SCAF8: variants seen among roughly 807,000 people sequenced by gnomAD.
SCAF8 encodes the protein SR-related and CTD-associated factor 8.
Under a neutral mutation model 140.5 loss-of-function variants are expected in SCAF8, and 23 were observed. The observed-to-expected ratio is 0.16, with a 90% confidence interval of 0.12 to 0.23. SCAF8 has a LOEUF of 0.23. Ranked by LOEUF, SCAF8 falls within the 10% of genes least tolerant of loss-of-function variation. The pLI is 1.00. For missense variants in SCAF8, 1,397 were observed against 1,555.7 expected (o/e 0.90, Z 1.72); for synonymous variants, 575 against 528.9 (o/e 1.09, Z -1.20).
intron 5 of SCAF8, 46 bp downstream of exon 5, chr6:154,793,022 A>C: frequency 6.9e-7 from 1 of 1,454,792 alleles, no homozygotes; most frequent in Non-Finnish European, 9.2e-7. Context: ...TTCTACTCAT[A>C]CTTTTTGGAT....
At chr6:154,811,144 C>T (rs907674164) in intron 12 of SCAF8, among the ~76,000 whole-genome samples, 2 of 152,110 alleles carry the variant, frequency 1.3e-5, no homozygotes, top group Admixed American at 6.6e-5. Flanking sequence ...TATTGATTAT[C>T]CTTGCTCTAG....
chr6:154,744,696 GGTT>G (rs1778653520), intron 1 of SCAF8, among the ~76,000 whole-genome samples: 1 of 152,036 alleles, frequency 6.6e-6, no homozygotes, highest in Admixed American at 6.6e-5. Context: ...TTTTTTGGTT[GGTT>G]GTTTTGTTTT....
intron 1 of SCAF8, among the ~76,000 whole-genome samples, chr6:154,748,569 A>C (rs1778763299): frequency 6.6e-6 from 1 of 152,264 alleles, no homozygotes; most frequent in East Asian, 1.9e-4. Context: ...GTGGTTTTTA[A>C]ATTTGCCTTT....
chr6:154,824,552 G>A (rs781496325), intron 17 of SCAF8, among the ~76,000 whole-genome samples, 174 bp downstream of exon 17: 1 of 152,168 alleles, frequency 6.6e-6, no homozygotes, highest in Non-Finnish European at 1.5e-5. Context: ...TCAGTCTGTG[G>A]TAGGGGCCAG....
At chr6:154,804,944 A>G (rs1474753360) in intron 8 of SCAF8, among the ~76,000 whole-genome samples, 1 of 152,192 alleles carries the variant, frequency 6.6e-6, no homozygotes, top group South Asian at 2.1e-4. Flanking sequence ...TTTATGGTCA[A>G]TTACAATGGT....
intron 12 of SCAF8, among the ~76,000 whole-genome samples, chr6:154,813,546 G>C (rs989719517): frequency 4.6e-5 from 7 of 152,128 alleles, no homozygotes; most frequent in African/African-American, 1.7e-4. Context: ...AAAGGGGCGG[G>C]GGGATCTTTT....
rs762682795 is a variant in SCAF8, at chr6:154,805,322, A to G, written c.864-47A>G. Reference sequence around the variant, plus strand: ...TTGAATACTCAGTTATTTTCATAGTATCTTTAGTGGGTTTTAAAATATGTT... The same window carrying G: ...TTGAATACTCAGTTATTTTCATAGTGTCTTTAGTGGGTTTTAAAATATGTT... On this transcript the variant is annotated intron_variant, in intron 8 of 19. Coordinates refer to ENST00000367178, the MANE Select transcript of SCAF8 (RefSeq NM_014892.5). 9.1e-5 allele frequency: 99 copies of G among 1,082,272 alleles called. 1 individual carries two copies. In the South Asian group the frequency reaches 1.3e-3, roughly 15 times the overall value. 67.0% of individuals were successfully genotyped at this position (1,082,272 alleles called of 1,614,324 possible).
At chr6:154,824,061 C>T (rs1444606485) in intron 16 of SCAF8, among the ~76,000 whole-genome samples, 173 bp from the exon 17 acceptor site, 1 of 151,636 alleles carries the variant, frequency 6.6e-6, no homozygotes, top group Non-Finnish European at 1.5e-5. Context: ...AATAACATTG[C>T]CTTGTTTTTA....
Position 154,832,352 on chromosome 6 carries a change from G to C in SCAF8, c.2773G>C (p.Asp925His), listed in dbSNP as rs1299812637. The change falls in exon 20 of 20, where the codon GAC (aspartate) becomes CAC (histidine). Residue 925 changes from aspartate (D) to histidine (H), a missense_variant. Asp to His is a moderately conservative substitution (Grantham distance 81, BLOSUM62 -1). Around this residue, in one of 5 missense-constraint regions of SCAF8, gnomAD observed 930 missense variants for 874.6 expected, o/e 1.06. Transcript: ENST00000367178. Reference protein sequence around the residue: ...NQRMPTMPMLDIRPGLIPQAP... With the variant: ...NQRMPTMPMLHIRPGLIPQAP... ...AAGGATGCCCACAATGCCAATGTTAGACATTCGTCCGGGACTAATACCACA... is the reference window on the plus strand; with the variant it reads ...AAGGATGCCCACAATGCCAATGTTACACATTCGTCCGGGACTAATACCACA... 1 of 1,613,950 alleles carries C rather than the reference G, an allele frequency of 6.2e-7. No individual in the cohort carries two copies. Among genetic ancestry groups the C allele is most frequent in the Admixed American group, 1.7e-5 (1 of 60,002 alleles).
intron 1 of SCAF8, among the ~76,000 whole-genome samples, chr6:154,760,491 G>T (rs1335956071): frequency 6.6e-6 from 1 of 152,024 alleles, no homozygotes; most frequent in Non-Finnish European, 1.5e-5. Flanking sequence ...TTAAAAAAGG[G>T]TTCTAGATTT....
intron 1 of SCAF8, among the ~76,000 whole-genome samples, chr6:154,768,119 G>C (rs917958432): frequency 3.9e-5 from 6 of 152,186 alleles, no homozygotes; most frequent in Non-Finnish European, 7.4e-5. Flanking sequence ...TGCAGTGACA[G>C]CTTCATGAAT....
chr6:154,787,222 G>A (rs1317657089), intron 3 of SCAF8, among the ~76,000 whole-genome samples: 1 of 152,246 alleles, frequency 6.6e-6, no homozygotes, highest in Non-Finnish European at 1.5e-5. Context: ...AGCTGGGCAT[G>A]GTGCTGTGCA....
intron 8 of SCAF8, 36 bp from the exon 9 acceptor site, chr6:154,805,333 G>T: frequency 7.9e-7 from 1 of 1,263,278 alleles, no homozygotes; most frequent in Non-Finnish European, 1.2e-6. Context: ...TCTTTAGTGG[G>T]TTTTAAAATA....
intron 6 of SCAF8, among the ~76,000 whole-genome samples, chr6:154,797,750 T>C (rs1338390546): frequency 1.3e-5 from 2 of 151,490 alleles, no homozygotes; most frequent in African/African-American, 4.8e-5. Context: ...TAATTACATA[T>C]TATGCATAGA....
chr6:154,753,003 T>A (rs1209821762), intron 1 of SCAF8, among the ~76,000 whole-genome samples: 1 of 151,372 alleles, frequency 6.6e-6, no homozygotes, highest in Non-Finnish European at 1.5e-5. Context: ...ACAGTTTTGT[T>A]TTTGTTTTGT....
chr6:154,760,158 G>GT (rs1779066819), intron 1 of SCAF8, among the ~76,000 whole-genome samples: 1 of 152,082 alleles, frequency 6.6e-6, no homozygotes. Context: ...GCCAGATGTA[G>GT]TGGTGCATGC....
intron 4 of SCAF8, among the ~76,000 whole-genome samples, chr6:154,791,253 A>G (rs2114876537): frequency 6.6e-6 from 1 of 152,322 alleles, no homozygotes; most frequent in Admixed American, 6.5e-5. Flanking sequence ...TTTTCTCTAA[A>G]TACTGCTAAT....
At chr6:154,737,285 A>G (rs531304895) in intron 1 of SCAF8, among the ~76,000 whole-genome samples, 30 of 152,360 alleles carry the variant, frequency 2.0e-4, no homozygotes, top group African/African-American at 7.2e-4. Context: ...TGAAACATTG[A>G]ATTGTCAATT....
chr6:154,820,837 C>A (rs887494165), intron 15 of SCAF8, among the ~76,000 whole-genome samples: 3 of 151,860 alleles, frequency 2.0e-5, no homozygotes, highest in Non-Finnish European at 4.4e-5. Context: ...CCAAAATTAT[C>A]TTTTTATTTT....
Sources: allele counts gnomAD v4.1 joint callset (sites outside exome capture counted in the v4.1 genomes callset), GRCh38; gene constraint gnomAD v4.1.1; regional missense constraint gnomAD v4.1.1; transcripts MANE v1.5; gene names NCBI Gene and HGNC (gene_info 2026-07-23, HGNC 2026-07-21).